Variants in ZNF14 observed in about 807,000 individuals in gnomAD.
ZNF14 encodes the protein zinc finger protein 14.
In ZNF14, 9 loss-of-function variants were observed where a neutral mutation model predicts 11.3. The observed-to-expected ratio is 0.80, with a 90% confidence interval of 0.48 to 1.39. ZNF14 has a LOEUF of 1.39. Among genes scored for constraint, ZNF14 ranks in the 40% most tolerant of loss-of-function variants. ZNF14 has a pLI of 0.00. For synonymous variants in ZNF14, 239 were observed against 245.7 expected, an observed-to-expected ratio of 0.97 and a Z score of 0.25; for missense variants, 711 against 763.9, an observed-to-expected ratio of 0.93 and a Z score of 0.82.
At position 19,711,320 on chromosome 19, in the gene ZNF14, C is replaced by T. The variant is rs997739115; in HGVS notation, c.*32G>A. On this transcript the variant is annotated 3_prime_UTR_variant, in exon 4 of 4. Transcript: ENST00000344099. Reference sequence around the variant, plus strand: ...TTTGTGTATTCAGAAGGAGCTGGAACAACCGAAGGCTTCAGAATGTTGCTT... The same window carrying T: ...TTTGTGTATTCAGAAGGAGCTGGAATAACCGAAGGCTTCAGAATGTTGCTT... 2 of 1,523,840 alleles carry T rather than the reference C, an allele frequency of 1.3e-6. No homozygotes were observed. Among genetic ancestry groups the T allele is most frequent in the Admixed American group, 4.5e-5 (2 of 44,294 alleles). The allele number at this position is 1,523,840 out of a possible 1,614,324, so 94.4% of individuals were successfully genotyped here.
In ZNF14 at chr19:19,714,477, G is replaced by C; in HGVS notation, c.14C>G (p.Ser5Cys). MDSV[S>C]FEDVAVNFTL... Reference sequence around the variant, plus strand: ...GAAGTTCACGGCCACATCCTCAAAGGAGACTGAGTCCTGAAACATTCCACA... The same window carrying C: ...GAAGTTCACGGCCACATCCTCAAAGCAGACTGAGTCCTGAAACATTCCACA... The change falls in exon 2 of 4, where the codon TCC becomes TGC. Residue 5 changes from serine (S) to cysteine (C), a missense_variant. Physicochemically the swap from Ser to Cys is moderately radical, Grantham distance 112. Coordinates refer to ENST00000344099, the MANE Select transcript of ZNF14 (RefSeq NM_021030.3). The C allele has an allele frequency of 6.2e-7, 1 of 1,613,206 alleles. No individual in the cohort carries two copies. Among genetic ancestry groups the C allele is most frequent in the Middle Eastern group, 1.7e-4 (1 of 6,054 alleles).
At chr19:19,729,626 G>A (rs919638403) in intron 1 of ZNF14, among the ~76,000 whole-genome samples, 8 of 151,922 alleles carry the variant, frequency 5.3e-5, no homozygotes, top group African/African-American at 1.5e-4. Flanking sequence ...CTACACACAC[G>A]ACTTCTGAAA....
Position 19,712,208 on chromosome 19 carries a change from A to G in ZNF14, c.1073T>C (p.Ile358Thr), listed in dbSNP as rs760116662. 4 of 1,613,848 alleles carry G rather than the reference A, an allele frequency of 2.5e-6. No homozygotes were observed. Among genetic ancestry groups the G allele is most frequent in the Non-Finnish European group, 2.5e-6 (3 of 1,180,004 alleles). ...NSCRVHERTH[I>T]GEKPYECKRC... is the part of the protein sequence containing the mutation. Reference sequence around the variant, plus strand: ...TTTACATTCATATGGTTTTTCTCCAATATGAGTTCTTTCATGCACTCGACA... The same window carrying G: ...TTTACATTCATATGGTTTTTCTCCAGTATGAGTTCTTTCATGCACTCGACA... The change falls in exon 4 of 4, where the codon ATT becomes ACT. Residue 358 changes from isoleucine (I) to threonine (T), a missense_variant. Ile to Thr is a moderately conservative substitution (Grantham distance 89). Coordinates refer to ENST00000344099, the MANE Select transcript of ZNF14 (RefSeq NM_021030.3).
At chr19:19,713,185 G>C in intron 3 of ZNF14, 96 bp from the exon 4 acceptor site, 2 of 1,169,284 alleles carry the variant, frequency 1.7e-6, no homozygotes, top group South Asian at 3.2e-5. Context: ...TTCAGAAAAA[G>C]TATAGGATAT....
In ZNF14 at chr19:19,712,175, C is replaced by T; in HGVS notation, c.1106G>A (p.Gly369Asp). ...GEKPYECKRCGKSFSWSISLR... is the reference protein window; with the variant it reads ...GEKPYECKRCDKSFSWSISLR... ...AGAAATGGACCAACTGAATGATTTG[C>T]CACATCGTTTACATTCATATGGTTT... Residue 369 changes from glycine (G) to aspartate (D), a missense_variant, in exon 4 of 4, where the codon GGC (glycine) becomes GAC (aspartate). Transcript: ENST00000344099. 1 of 1,614,052 alleles carries T rather than the reference C, an allele frequency of 6.2e-7. No individual in the cohort carries two copies.
intron 1 of ZNF14, among the ~76,000 whole-genome samples, chr19:19,729,698 G>T (rs977796187): frequency 6.6e-6 from 1 of 151,988 alleles, no homozygotes; most frequent in African/African-American, 2.4e-5. Flanking sequence ...TTGTTTTCAA[G>T]GGTACCAATT....
intron 1 of ZNF14, among the ~76,000 whole-genome samples, chr19:19,723,514 A>G (rs2062398800): frequency 6.6e-6 from 1 of 151,986 alleles, no homozygotes; most frequent in African/African-American, 2.4e-5. Context: ...TTGATTCAAT[A>G]TTCGTCAGGG....
intron 1 of ZNF14, among the ~76,000 whole-genome samples, chr19:19,714,985 C>T (rs952857640): frequency 6.6e-6 from 1 of 152,172 alleles, no homozygotes; most frequent in African/African-American, 2.4e-5. Context: ...GCTAGGATTA[C>T]AGGCGTGAGC....
chr19:19,726,599 A>G (rs2062406975), intron 1 of ZNF14, among the ~76,000 whole-genome samples: 1 of 132,374 alleles, frequency 7.6e-6, no homozygotes, highest in African/African-American at 2.8e-5. Context: ...GAGAACCACT[A>G]CTCTCTTCAA....
At chr19:19,723,340 CAT>C (rs2062398265) in intron 1 of ZNF14, among the ~76,000 whole-genome samples, 1 of 152,100 alleles carries the variant, frequency 6.6e-6, no homozygotes, top group South Asian at 2.1e-4. Flanking sequence ...TTGAGATAAT[CAT>C]GTGGTTTTTG....
rs909276671 is a variant in ZNF14, at chr19:19,711,159, G to A, written c.*193C>T. ...GTCTTTGAAATGAATTAGGTCAACT[G>A]AAGGCTTAATCACAATGTTTACATT... On this transcript the variant is annotated 3_prime_UTR_variant, in exon 4 of 4. Transcript: ENST00000344099. 1.9e-6 allele frequency: 1 copy of A among 530,716 alleles called. No homozygotes were observed. The highest frequency in any genetic ancestry group is 3.1e-6 in the Non-Finnish European group (1 of 322,532). 32.9% of individuals were successfully genotyped at this position (530,716 alleles called of 1,614,324 possible).
intron 1 of ZNF14, among the ~76,000 whole-genome samples, chr19:19,732,298 G>A (rs1207917455): frequency 6.6e-6 from 1 of 152,210 alleles, no homozygotes; most frequent in Non-Finnish European, 1.5e-5. Flanking sequence ...TACCCAGAGC[G>A]AAGGGAAACT....
chr19:19,717,677 T>C (rs2062381522), intron 1 of ZNF14, among the ~76,000 whole-genome samples: 2 of 152,156 alleles, frequency 1.3e-5, no homozygotes, highest in South Asian at 4.1e-4. Flanking sequence ...AGGAGCTCTG[T>C]GCTAGGAATC....
intron 1 of ZNF14, among the ~76,000 whole-genome samples, chr19:19,726,113 T>C (rs995487677): frequency 3.0e-5 from 4 of 135,034 alleles, no homozygotes; most frequent in African/African-American, 1.1e-4. Context: ...CCGTCCAGCT[T>C]TGTTCCATTG....
chr19:19,728,511 G>A (rs1359395372), intron 1 of ZNF14, among the ~76,000 whole-genome samples: 2 of 26,610 alleles, frequency 7.5e-5, no homozygotes, highest in Admixed American at 5.9e-4. Flanking sequence ...GCGAAACTCC[G>A]TCTCAAAAAA....
Position 19,712,837 on chromosome 19 carries a change from T to G in ZNF14, c.444A>C (p.Lys148Asn). 6.2e-7 allele frequency: 1 copy of G among 1,614,194 alleles called. No individual in the cohort carries two copies. The highest frequency in any genetic ancestry group is 8.5e-7 in the Non-Finnish European group (1 of 1,180,028). The change falls in exon 4 of 4, where the codon AAA becomes AAC. Residue 148 changes from lysine (K) to asparagine (N), a missense_variant. Coordinates refer to ENST00000344099, the MANE Select transcript of ZNF14 (RefSeq NM_021030.3). ...KQPCKCKAVG[K>N]TFSYHHCFRK... ...GAAAGCAGTGGTGATAACTGAAGGT[T>G]TTCCCAACTGCTTTACATTTACATG...
In ZNF14 at chr19:19,711,416, T is replaced by TA; in HGVS notation, c.1864_1865insT (p.Lys622IlefsTer13). ...AAAGTGACTGGAAGAAATGAAGGCT[T>TA]TTCCACATTGTTTGCATTCATAAGG... On this transcript the variant is annotated frameshift_variant, in exon 4 of 4. Transcript: ENST00000344099. LOFTEE classifies it low-confidence loss of function (END_TRUNC). The TA allele has an allele frequency of 2.5e-6, 4 of 1,601,282 alleles. No homozygotes were observed. The highest frequency in any genetic ancestry group is 3.4e-6 in the Non-Finnish European group (4 of 1,175,090).
intron 1 of ZNF14, among the ~76,000 whole-genome samples, chr19:19,731,453 G>A (rs2062423027): frequency 6.6e-6 from 1 of 152,116 alleles, no homozygotes; most frequent in African/African-American, 2.4e-5. Flanking sequence ...GTGGGTGCCT[G>A]TAATCCCAGC....
intron 1 of ZNF14, among the ~76,000 whole-genome samples, chr19:19,717,134 C>A (rs947515751): frequency 6.6e-6 from 1 of 152,170 alleles, no homozygotes; most frequent in African/African-American, 2.4e-5. Flanking sequence ...CAGATGCAAG[C>A]CACACGGTAG....
Sources: allele counts gnomAD v4.1 joint callset (sites outside exome capture counted in the v4.1 genomes callset), GRCh38; gene constraint gnomAD v4.1.1; transcripts MANE v1.5; gene names NCBI Gene and HGNC (gene_info 2026-07-23, HGNC 2026-07-21).